MAMSTR: variants seen among roughly 807,000 people sequenced by gnomAD.
MAMSTR encodes MEF2-activating motif and SAP domain-containing transcriptional regulator.
MAMSTR carries 41 observed loss-of-function variants against 42.7 expected under a neutral mutation model. That is an observed-to-expected ratio of 0.96 (90% CI 0.75 to 1.25). The LOEUF is 1.25. Ranked by LOEUF, MAMSTR falls within the 50% of genes most tolerant of loss-of-function variation. The probability of loss-of-function intolerance (pLI) is 0.00; values close to 1 mark genes in which losing one functional copy is unlikely to be tolerated. For synonymous variants in MAMSTR, 265 were observed against 244.1 expected (o/e 1.09, Z -0.80); for missense variants, 567 against 557.6 (o/e 1.02, Z -0.17).
rs1365835243 is a variant in MAMSTR at position 48,715,620 on chromosome 19, C to T, written c.240+5G>A. 1.3e-6 allele frequency: 2 copies of T among 1,534,852 alleles called. No individual in the cohort carries two copies. Among genetic ancestry groups the T allele is most frequent in the South Asian group, 1.2e-5 (1 of 81,750 alleles). ...GAGGGACCTCTCCCTCCAGTCGAGA[C>T]TCACCTTCTTTGGGGACCTCCAAGG... is the stretch of plus-strand genomic sequence containing the variant. On this transcript the variant is annotated splice_donor_5th_base_variant and intron_variant, in intron 4 of 9. Coordinates refer to ENST00000318083, the MANE Select transcript of MAMSTR (RefSeq NM_001130915.2).
At chr19:48,707,681 C>T in the MAMSTR span, among the ~76,000 whole-genome samples, 9 of 149,628 alleles carry the variant, frequency 6.0e-5, no homozygotes, top group East Asian at 9.8e-4. Context: ...GTGAAGTTTG[C>T]AATGAACTGA....
Position 48,714,813 on chromosome 19 carries a change from T to G in MAMSTR, c.521A>C (p.Glu174Ala). The change falls in exon 6 of 10, where the codon GAG becomes GCG. Residue 174 changes from glutamate to alanine, a missense_variant. Glu to Ala is a moderately radical substitution (Grantham distance 107, BLOSUM62 -1). Transcript: ENST00000318083. Reference protein sequence around the residue: ...KLELQTLKLEELTVSELRQQL... With the variant: ...KLELQTLKLEALTVSELRQQL... Reference sequence around the variant, plus strand: ...GTTACACCCCAAACTCACCGTCAGCTCCTCCAGTTTAAGGGTCTGAAGTTC... The same window carrying G: ...GTTACACCCCAAACTCACCGTCAGCGCCTCCAGTTTAAGGGTCTGAAGTTC... 1 of 1,606,570 alleles carries G rather than the reference T, an allele frequency of 6.2e-7. No individual in the cohort carries two copies. The highest frequency in any genetic ancestry group is 1.1e-5 in the South Asian group (1 of 90,976).
At chr19:48,707,547 C>G in the MAMSTR span, among the ~76,000 whole-genome samples, 1 of 151,208 alleles carries the variant, frequency 6.6e-6, no homozygotes, top group Non-Finnish European at 1.5e-5. Flanking sequence ...TTGAGACCAG[C>G]CTGGCTGACA....
chr19:48,716,165 C>T (rs2122337142), intron 3 of MAMSTR, among the ~76,000 whole-genome samples: 1 of 152,036 alleles, frequency 6.6e-6, no homozygotes. Context: ...CACTTGAGGT[C>T]AGGAGTTCAA....
Position 48,719,098 on chromosome 19 carries a change from C to T in MAMSTR, c.-21-46G>A. 1 of 1,404,514 alleles carries T rather than the reference C, an allele frequency of 7.1e-7. No homozygotes were observed. The highest frequency in any genetic ancestry group is 9.8e-7 in the Non-Finnish European group (1 of 1,017,376). 87.0% of individuals were successfully genotyped at this position (1,404,514 alleles called of 1,614,324 possible). A position where few individuals can be genotyped will look rare whatever the true frequency, so the allele number is the denominator to read the frequency against. On this transcript the variant is annotated intron_variant, in intron 1 of 9. Transcript: ENST00000318083. The surrounding 1 kb of genome is among the most constrained non-coding windows in gnomAD (Gnocchi z 4.4). ...GCAGGGGCCCCATAGAGGGCTGGCT[C>T]AGAGTGGAGGTCAGGAGGCCGCCCC... is the stretch of plus-strand genomic sequence containing the variant.
intron 6 of MAMSTR, 62 bp from the exon 7 acceptor site, chr19:48,714,622 G>T: frequency 7.0e-7 from 1 of 1,426,280 alleles, no homozygotes. Flanking sequence ...GCAGGCAGGA[G>T]CTGGACAGGA....
Position 48,713,870 on chromosome 19 carries a change from C to T in MAMSTR, c.899G>A (p.Arg300Gln). Residue 300 changes from arginine to glutamine, a missense_variant, in exon 8 of 10, where the codon CGG (arginine) becomes CAG (glutamine). Arg to Gln is a conservative substitution (Grantham distance 43). Transcript: ENST00000318083. ...TLEEELQEAIRRAQLLPNRGI... is the reference protein window; with the variant it reads ...TLEEELQEAIQRAQLLPNRGI... ...CCCACACCCTCTTACCTGCGCCCTC[C>T]GGATCGCTTCCTGCAGCTCCTCCTC... 1 of 1,612,718 alleles carries T rather than the reference C, an allele frequency of 6.2e-7. No individual in the cohort carries two copies. Among genetic ancestry groups the T allele is most frequent in the Admixed American group, 1.7e-5 (1 of 59,992 alleles).
rs748319026 is a variant in MAMSTR, at chr19:48,714,513, C to G, written c.576G>C (p.Ser192=). 2.8e-6 allele frequency: 4 copies of G among 1,451,444 alleles called. No individual in the cohort carries two copies. Among genetic ancestry groups the G allele is most frequent in the Admixed American group, 2.9e-5 (1 of 34,740 alleles). The allele number at this position is 1,451,444 out of a possible 1,614,324, so 89.9% of individuals were successfully genotyped here. A position where few individuals can be genotyped will look rare whatever the true frequency, so the allele number is the denominator to read the frequency against. ...QQLRLRGLPV[S]GTKSMLLERM... ...GCTCCAGGAGCATAGACTTGGTCCC[C>G]GACACTGGGAGGCCCCGCAGGCGCA... The change falls in exon 7 of 10, where the codon TCG becomes TCC. Residue 192 remains serine (S), a synonymous_variant. Coordinates refer to ENST00000318083, the MANE Select transcript of MAMSTR (RefSeq NM_001130915.2).
chr19:48,710,059 C>T (rs888064551), downstream of MAMSTR, among the ~76,000 whole-genome samples: 2 of 151,594 alleles, frequency 1.3e-5, no homozygotes, highest in African/African-American at 4.9e-5. Flanking sequence ...TTAGTAGAAA[C>T]GGGGTTTCAC....
rs759043926 is a variant in MAMSTR, at chr19:48,715,358, T to A, written c.329A>T (p.Gln110Leu). 10 of 1,548,000 alleles carry A rather than the reference T, an allele frequency of 6.5e-6. No homozygotes were observed. In the South Asian group the frequency reaches 1.2e-4, roughly 19 times the overall value. The change falls in exon 5 of 10, where the codon CAG becomes CTG. Residue 110 changes from glutamine to leucine, a missense_variant. By Grantham distance (113) the Gln-to-Leu change is moderately radical. Coordinates refer to ENST00000318083, the MANE Select transcript of MAMSTR (RefSeq NM_001130915.2). Reference protein sequence around the residue: ...YHQYMPPEPRQGSRADPQAEG... With the variant: ...YHQYMPPEPRLGSRADPQAEG... Reference sequence around the variant, plus strand: ...GGCTTGGGGGTCCGCCCTGGATCCCTGTCTCGGCTCTGGGGGCATGTACTG... The same window carrying A: ...GGCTTGGGGGTCCGCCCTGGATCCCAGTCTCGGCTCTGGGGGCATGTACTG...
chr19:48,713,111 G>A lies in MAMSTR; in HGVS notation c.*156C>T. 1 of 662,268 alleles carries A rather than the reference G, an allele frequency of 1.5e-6. No individual in the cohort carries two copies. 41.0% of individuals were successfully genotyped at this position (662,268 alleles called of 1,614,324 possible). A position where few individuals can be genotyped will look rare whatever the true frequency, so the allele number is the denominator to read the frequency against. Reference sequence around the variant, plus strand: ...CCAGGTAGGCAAAGTTAAGGCAGTTGCATGTCAGCAGCACTTCAGGAGGCA... The same window carrying A: ...CCAGGTAGGCAAAGTTAAGGCAGTTACATGTCAGCAGCACTTCAGGAGGCA... On this transcript the variant is annotated 3_prime_UTR_variant, in exon 10 of 10. Coordinates refer to ENST00000318083, the MANE Select transcript of MAMSTR (RefSeq NM_001130915.2).
At chr19:48,713,644 A>C (rs1204662449) in intron 9 of MAMSTR, 72 bp downstream of exon 9, 3 of 1,607,298 alleles carry the variant, frequency 1.9e-6, no homozygotes, top group African/African-American at 2.7e-5. Flanking sequence ...TCCCCAGCTC[A>C]CGCCTCCCTT....
intron 6 of MAMSTR, 115 bp downstream of exon 6, chr19:48,714,691 G>A (rs1568468278): frequency 5.6e-6 from 7 of 1,258,778 alleles, no homozygotes; most frequent in Non-Finnish European, 8.1e-6. Flanking sequence ...CCTAAAACAG[G>A]ATGGGACTGG....
Position 48,713,983 on chromosome 19 carries a change from C to T in MAMSTR, c.786G>A (p.Thr262=), listed in dbSNP as rs1180501313. 1 of 1,612,832 alleles carries T rather than the reference C, an allele frequency of 6.2e-7. No homozygotes were observed. The highest frequency in any genetic ancestry group is 8.5e-7 in the Non-Finnish European group (1 of 1,179,636). The stretch of plus-strand genomic sequence containing the variant: ...CCGGAGTGGGAGTTGGAGCCGGAGC[C>T]GTCCCCGGGGTATCCGCGGCACGTG... The part of the protein sequence containing the change: ...PLPRAADTPG[T]APAPTPTPAP... Residue 262 remains threonine, a synonymous_variant, in exon 8 of 10, where the codon ACG becomes ACA. Transcript: ENST00000318083.
At chr19:48,712,425 CTT>C (rs1479082214), downstream of MAMSTR, among the ~76,000 whole-genome samples, 1 of 148,342 alleles carries the variant, frequency 6.7e-6, no homozygotes, top group Non-Finnish European at 1.5e-5. Flanking sequence ...TTCTCTCTCT[CTT>C]TTTTTTTTTT....
At chr19:48,712,220 A>G (rs886336558), downstream of MAMSTR, among the ~76,000 whole-genome samples, 1 of 152,022 alleles carries the variant, frequency 6.6e-6, no homozygotes, top group Non-Finnish European at 1.5e-5. Flanking sequence ...AAGCTCAAAC[A>G]GGGAGATACA....
At chr19:48,709,141 A>G (rs1451612696), downstream of MAMSTR, among the ~76,000 whole-genome samples, 1 of 151,956 alleles carries the variant, frequency 6.6e-6, no homozygotes. Context: ...AAATGCAGAA[A>G]TGGCTGGGCA....
intron 3 of MAMSTR, 143 bp from the exon 4 acceptor site, chr19:48,715,910 A>T: frequency 6.9e-7 from 1 of 1,442,428 alleles, no homozygotes; most frequent in Non-Finnish European, 9.1e-7. Context: ...TGGGCGCCTG[A>T]ACTGGATCTG....
chr19:48,712,080 G>C (rs1236071781), downstream of MAMSTR, among the ~76,000 whole-genome samples: 2 of 152,194 alleles, frequency 1.3e-5, no homozygotes, highest in East Asian at 3.9e-4. Context: ...TTTTAGTAGA[G>C]ATGGGTTTCA....
Sources: gnomAD v4.1 joint callset for allele counts (sites outside exome capture counted in the v4.1 genomes callset) on GRCh38, gnomAD v4.1.1 for gene constraint, Gnocchi (gnomAD v3.1) non-coding constraint, MANE v1.5 for transcripts, NCBI Gene and HGNC (gene_info 2026-07-23, HGNC 2026-07-21) for gene names.